The following PARVA variants were observed in gnomAD, a reference collection of about 807,000 sequenced individuals.
PARVA encodes parvin alpha.
Under a neutral mutation model 52.6 loss-of-function variants are expected in PARVA, and 25 were observed. That is an observed-to-expected ratio of 0.48 (90% confidence interval 0.35 to 0.66). The LOEUF (loss-of-function observed/expected upper bound fraction) is 0.66, where lower values mean the gene tolerates loss of function less well. Among genes scored for constraint, PARVA ranks in the 30% least tolerant of loss-of-function variants. PARVA has a pLI of 0.01. For missense variants in PARVA, 373 were observed against 450.9 expected (o/e 0.83, Z 1.56); for synonymous variants, 185 against 179.1 (o/e 1.03, Z -0.26).
At chr11:12,400,617 T>C (rs1022356732) in intron 1 of PARVA, among the ~76,000 whole-genome samples, 6 of 151,678 alleles carry the variant, frequency 4.0e-5, no homozygotes, top group Admixed American at 6.5e-5. Context: ...ATGGGACTTT[T>C]CTTGAGTATT....
At chr11:12,377,439 G>C, upstream of PARVA, 1 of 1,380,856 alleles carries the variant, frequency 7.2e-7, no homozygotes, top group Non-Finnish European at 9.3e-7. Flanking sequence ...GGCCCCGGGA[G>C]CGCAGCTCCT....
rs182302435 is a variant in PARVA at position 12,443,275 on chromosome 11, G to A, written c.137-30470G>A. ...CAACCTTCGCATCCCGGGTTGAAGCGATTCCCTTGCCTCAGCCTCCTGAGT... is the reference window on the plus strand; with the variant it reads ...CAACCTTCGCATCCCGGGTTGAAGCAATTCCCTTGCCTCAGCCTCCTGAGT... On this transcript the variant is annotated intron_variant, in intron 1 of 12. Coordinates refer to ENST00000334956, the MANE Select transcript of PARVA (RefSeq NM_018222.5). 3.2e-4 allele frequency among the ~76,000 whole-genome samples: 47 copies of A among 146,034 alleles called. No homozygotes were observed. The East Asian group carries it at 7.5e-3, about 23-fold the overall frequency.
chr11:12,512,815 A>C (rs1011399902), intron 8 of PARVA, among the ~76,000 whole-genome samples: 1 of 151,954 alleles, frequency 6.6e-6, no homozygotes, highest in Non-Finnish European at 1.5e-5. Flanking sequence ...CTTAAGAGGA[A>C]GAGCTCATAT....
In PARVA at chr11:12,430,061, T is replaced by G. The variant is rs144433256; in HGVS notation, c.137-43684T>G. Among the ~76,000 whole-genome samples the G allele has an allele frequency of 1.2e-4, 19 of 152,332 alleles. No individual in the cohort carries two copies. The East Asian group carries it at 3.3e-3, about 26-fold the overall frequency. On this transcript the variant is annotated intron_variant, in intron 1 of 12. Coordinates refer to ENST00000334956, the MANE Select transcript of PARVA (RefSeq NM_018222.5). ...CATTGACATTCCTTCATCATTTTCTTAAGTCTAGATAATCAACAGAATGAG... is the reference window on the plus strand; with the variant it reads ...CATTGACATTCCTTCATCATTTTCTGAAGTCTAGATAATCAACAGAATGAG...
intron 4 of PARVA, among the ~76,000 whole-genome samples, chr11:12,488,625 T>C (rs2135052498): frequency 6.6e-6 from 1 of 152,218 alleles, no homozygotes; most frequent in East Asian, 1.9e-4. Context: ...ACAAAATTTG[T>C]CCCACAGAAA....
chr11:12,513,614 C>A (rs1352235801), intron 9 of PARVA: 1 of 644,808 alleles, frequency 1.6e-6, no homozygotes, highest in Admixed American at 2.1e-5. Context: ...TCTCAGCCTT[C>A]CCCACTCCTC....
intron 4 of PARVA, among the ~76,000 whole-genome samples, chr11:12,486,460 C>T (rs906441314): frequency 6.6e-6 from 1 of 151,876 alleles, no homozygotes. Flanking sequence ...TTGAACTCGG[C>T]AGGCGGAGGT....
chr11:12,463,181 T>G (rs1000910190), intron 1 of PARVA, among the ~76,000 whole-genome samples: 1 of 152,210 alleles, frequency 6.6e-6, no homozygotes, highest in African/African-American at 2.4e-5. Flanking sequence ...TGGACAGTAG[T>G]GATATATTAT....
chr11:12,483,322 G>C (rs1392007910), intron 4 of PARVA, among the ~76,000 whole-genome samples: 1 of 152,228 alleles, frequency 6.6e-6, no homozygotes, highest in African/African-American at 2.4e-5. Context: ...GGTGGAGGAA[G>C]CTTATATAGA....
intron 10 of PARVA, among the ~76,000 whole-genome samples, 188 bp downstream of exon 10, chr11:12,514,253 CAAG>C (rs1941541044): frequency 6.6e-6 from 1 of 152,198 alleles, no homozygotes; most frequent in African/African-American, 2.4e-5. Context: ...ATGAAAATTA[CAAG>C]AATGAATACT....
chr11:12,441,986 G>A (rs1448677191), intron 1 of PARVA, among the ~76,000 whole-genome samples: 4 of 152,216 alleles, frequency 2.6e-5, no homozygotes, highest in African/African-American at 2.4e-5. Flanking sequence ...GAAAATTGCC[G>A]ACAGGTCGAA....
chr11:12,427,551 G>C (rs1260770508), intron 1 of PARVA, among the ~76,000 whole-genome samples: 1 of 152,212 alleles, frequency 6.6e-6, no homozygotes, highest in African/African-American at 2.4e-5. Context: ...TCTGTTGATG[G>C]AAGCAAGTGT....
At chr11:12,505,651 C>T (rs1169047355) in intron 6 of PARVA, among the ~76,000 whole-genome samples, 1 of 152,110 alleles carries the variant, frequency 6.6e-6, no homozygotes, top group Non-Finnish European at 1.5e-5. Context: ...GCCAAAAGGT[C>T]CTAAATGTCC....
rs1174492079 is a variant in PARVA, at chr11:12,425,688, CAT to C, written c.136+47908_136+47909del. 5.9e-5 allele frequency among the ~76,000 whole-genome samples: 9 copies of C among 152,264 alleles called. No individual in the cohort carries two copies. In the East Asian group the frequency reaches 1.2e-3, roughly 20 times the overall value. On this transcript the variant is annotated intron_variant, in intron 1 of 12. Coordinates refer to ENST00000334956, the MANE Select transcript of PARVA (RefSeq NM_018222.5). ...ACCTCCTGTGTTATTATGTACATCT[CAT>C]ATGTCTAATATCCCTGTAGGGATGG...
At chr11:12,404,748 T>A (rs1327969146) in intron 1 of PARVA, among the ~76,000 whole-genome samples, 1 of 152,218 alleles carries the variant, frequency 6.6e-6, no homozygotes, top group Non-Finnish European at 1.5e-5. Flanking sequence ...GGCCAGATGC[T>A]TTGGACATGT....
At position 12,530,629 on chromosome 11, in the gene PARVA, C is replaced by A. The variant is rs1941760947; in HGVS notation, c.*2704C>A. On this transcript the variant is annotated 3_prime_UTR_variant, in exon 13 of 13. Coordinates refer to ENST00000334956, the MANE Select transcript of PARVA (RefSeq NM_018222.5). ...TTTCTTACACACACTGCCAGAGATA[C>A]TCTAGGCATGTAAAGCACAAACATA... is the stretch of plus-strand genomic sequence containing the variant. 1 of 152,160 alleles carries A rather than the reference C, an allele frequency of 6.6e-6. No homozygotes were observed. The highest frequency in any genetic ancestry group is 2.1e-4 in the South Asian group (1 of 4,828). The allele number at this position is 152,160 out of a possible 1,614,324, so 9.4% of individuals were successfully genotyped here. A position where few individuals can be genotyped will look rare whatever the true frequency, so the allele number is the denominator to read the frequency against.
rs201757014 is a variant in PARVA, at chr11:12,507,970, AGATG to A, written c.658-595_658-592del. On this transcript the variant is annotated intron_variant, in intron 6 of 12. Coordinates refer to ENST00000334956, the MANE Select transcript of PARVA (RefSeq NM_018222.5). ...ATAAGTTGATGGGAGAAGTGTGGAC[AGATG>A]GATGGATGGATGGATGGACGGACGG... is the stretch of plus-strand genomic sequence containing the variant. Among the ~76,000 whole-genome samples the A allele has an allele frequency of 2.1e-3, 313 of 151,718 alleles. 1 individual carries two copies. Among genetic ancestry groups the A allele is most frequent in the African/African-American group, 6.8e-3 (280 of 41,408 alleles).
At chr11:12,382,133 G>A (rs1939498573) in intron 1 of PARVA, among the ~76,000 whole-genome samples, 1 of 152,216 alleles carries the variant, frequency 6.6e-6, no homozygotes, top group Non-Finnish European at 1.5e-5. Flanking sequence ...GGAGGTAGCT[G>A]TGAAATTATT....
Position 12,535,332 on chromosome 11 carries a change from C to T in PARVA, c.*7407C>T, listed in dbSNP as rs1003388775. Among the ~76,000 whole-genome samples the T allele has an allele frequency of 6.6e-6, 1 of 152,132 alleles. No homozygotes were observed. On this transcript the variant is annotated 3_prime_UTR_variant, in exon 13 of 13. Coordinates refer to ENST00000334956, the MANE Select transcript of PARVA (RefSeq NM_018222.5). ...ATTAAATGGCTTTCTGACCAGCATC[C>T]CTTTGGTGTGCTTTGTCAATAAGAT... is the stretch of plus-strand genomic sequence containing the variant.
Sources: gnomAD v4.1 joint callset for allele counts (sites outside exome capture counted in the v4.1 genomes callset) on GRCh38, gnomAD v4.1.1 for gene constraint, MANE v1.5 for transcripts, NCBI Gene and HGNC (gene_info 2026-07-23, HGNC 2026-07-21) for gene names.